Variants in PRDM2 observed in about 807,000 individuals in gnomAD.
The protein encoded by PRDM2 is PR domain zinc finger protein 2.
A neutral mutation model predicts 130.0 loss-of-function variants in PRDM2; 30 were observed. The ratio of observed to expected loss-of-function variants is 0.23; its 90% CI spans 0.17 to 0.31. The LOEUF (loss-of-function observed/expected upper bound fraction) is 0.31, where lower values mean the gene tolerates loss of function less well. Ranked by LOEUF, PRDM2 falls within the 10% of genes least tolerant of loss-of-function variation. PRDM2 has a pLI of 1.00. For missense variants in PRDM2, 2,011 were observed against 2,108.4 expected (o/e 0.95, Z 0.90); for synonymous variants, 871 against 782.4 (o/e 1.11, Z -1.89).
rs966616836 is a variant in PRDM2, at chr1:13,782,508, C to A, written c.4713C>A (p.Ser1571=). 1 of 1,614,142 alleles carries A rather than the reference C, an allele frequency of 6.2e-7. No individual in the cohort carries two copies. The highest frequency in any genetic ancestry group is 8.5e-7 in the Non-Finnish European group (1 of 1,180,032). ...ASVKSKKPSS[S]SLRNSSPIRM... is the part of the protein sequence containing the mutation. Reference sequence around the variant, plus strand: ...TGAAATCCAAAAAACCAAGCTCCTCCTCTTTAAGGAACTCCAGCCCGATAA... The same window carrying A: ...TGAAATCCAAAAAACCAAGCTCCTCATCTTTAAGGAACTCCAGCCCGATAA... Residue 1571 remains serine (S), a synonymous_variant, in exon 8 of 10, where the codon TCC becomes TCA. Transcript: ENST00000311066.
At chr1:13,710,903 A>G (rs1421340201) in intron 1 of PRDM2, among the ~76,000 whole-genome samples, 1 of 152,068 alleles carries the variant, frequency 6.6e-6, no homozygotes, top group Non-Finnish European at 1.5e-5. Flanking sequence ...TGGCTAACAC[A>G]GTGAAACTCC....
Position 13,782,515 on chromosome 1 carries a change from A to C in PRDM2, c.4720A>C (p.Arg1574=). ...CAAAAAACCAAGCTCCTCCTCTTTA[A>C]GGAACTCCAGCCCGATAAGAATGGC... ...KSKKPSSSSL[R]NSSPIRMAKI... Residue 1574 remains arginine (R), a synonymous_variant, in exon 8 of 10, where the codon AGG becomes CGG. Transcript: ENST00000311066. 4 of 1,614,136 alleles carry C rather than the reference A, an allele frequency of 2.5e-6. No individual in the cohort carries two copies. Among genetic ancestry groups the C allele is most frequent in the Non-Finnish European group, 3.4e-6 (4 of 1,180,026 alleles).
At chr1:13,758,974 C>CT (rs1644031415) in intron 6 of PRDM2, among the ~76,000 whole-genome samples, 1 of 151,996 alleles carries the variant, frequency 6.6e-6, no homozygotes, top group African/African-American at 2.4e-5. Flanking sequence ...TAAAATACTG[C>CT]TAATTTGATA....
At chr1:13,821,838 G>A (rs1045755995) in intron 9 of PRDM2, among the ~76,000 whole-genome samples, 4 of 152,146 alleles carry the variant, frequency 2.6e-5, no homozygotes, top group East Asian at 1.9e-4. Flanking sequence ...TGGTTTCTGC[G>A]GAGGAAGCAT....
intron 2 of PRDM2, among the ~76,000 whole-genome samples, chr1:13,723,612 C>T (rs1270688017): frequency 1.3e-5 from 2 of 152,166 alleles, no homozygotes; most frequent in East Asian, 1.9e-4. Context: ...TTTGGCTCTG[C>T]GATGACTTCT....
rs1367873229 is a variant in PRDM2 at position 13,782,700 on chromosome 1, C to T, written c.4905C>T (p.Asp1635=). 1.2e-6 allele frequency: 2 copies of T among 1,614,036 alleles called. No individual in the cohort carries two copies. The highest frequency in any genetic ancestry group is 1.7e-6 in the Non-Finnish European group (2 of 1,180,006). Residue 1635 remains aspartate, a synonymous_variant, in exon 8 of 10, where the codon GAC becomes GAT. Transcript: ENST00000311066. ...CCTTGGCGAGTAAGAAAAGAACAGACCGGTTCAATATAAAATCTAGAGAGC... is the reference window on the plus strand; with the variant it reads ...CCTTGGCGAGTAAGAAAAGAACAGATCGGTTCAATATAAAATCTAGAGAGC... ...KSTLASKKRT[D]RFNIKSRERS... is the part of the protein sequence containing the mutation.
intron 1 of PRDM2, among the ~76,000 whole-genome samples, chr1:13,701,378 T>C (rs1340024419): frequency 6.6e-6 from 1 of 152,242 alleles, no homozygotes; most frequent in Non-Finnish European, 1.5e-5. Flanking sequence ...CAAATGGAAC[T>C]CTTCAATGAT....
intron 6 of PRDM2, among the ~76,000 whole-genome samples, chr1:13,761,441 G>A (rs943738552): frequency 6.6e-6 from 1 of 152,142 alleles, no homozygotes; most frequent in Non-Finnish European, 1.5e-5. Context: ...CCAGTTTTCC[G>A]GGAAGAAATG....
chr1:13,772,092 T>C (rs1239790358), intron 6 of PRDM2: 2 of 152,302 alleles, frequency 1.3e-5, no homozygotes, highest in African/African-American at 2.4e-5. Context: ...CTTGTAGTTC[T>C]GGAAGCTGGT....
At chr1:13,797,426 T>C (rs1644939266) in intron 8 of PRDM2, among the ~76,000 whole-genome samples, 1 of 152,246 alleles carries the variant, frequency 6.6e-6, no homozygotes, top group African/African-American at 2.4e-5. Context: ...GATATTGTAG[T>C]TGAAATATAT....
intron 2 of PRDM2, among the ~76,000 whole-genome samples, chr1:13,725,274 G>C (rs939597285): frequency 1.3e-5 from 2 of 152,068 alleles, no homozygotes; most frequent in East Asian, 1.9e-4. Context: ...GCATAACCTC[G>C]GCTCACTGCA....
intron 2 of PRDM2, among the ~76,000 whole-genome samples, chr1:13,723,826 C>T (rs1485635018): frequency 6.6e-6 from 1 of 152,208 alleles, no homozygotes; most frequent in Non-Finnish European, 1.5e-5. Flanking sequence ...GATTGCCAGG[C>T]ATTTGTTTGC....
chr1:13,813,393 C>T (rs976768248), intron 8 of PRDM2, among the ~76,000 whole-genome samples: 2 of 152,288 alleles, frequency 1.3e-5, no homozygotes, highest in South Asian at 4.1e-4. Context: ...GACAGTGAAG[C>T]ACTTCTTGAT....
intron 7 of PRDM2, among the ~76,000 whole-genome samples, chr1:13,775,135 C>T (rs980075873): frequency 6.6e-6 from 1 of 152,348 alleles, no homozygotes; most frequent in African/African-American, 2.4e-5. Flanking sequence ...CCCAAACCTC[C>T]CTTTATGTTC....
chr1:13,781,277 C>T lies in PRDM2; in HGVS notation c.3482C>T (p.Pro1161Leu). ...KHLSIHAEEW[P>L]FKCEFCVQLF... The stretch of plus-strand genomic sequence containing the variant: ...TTATCTATTCATGCTGAAGAATGGC[C>T]CTTCAAATGTGAATTTTGTGTGCAG... Residue 1161 changes from proline (P) to leucine (L), a missense_variant, in exon 8 of 10, where the codon CCC becomes CTC. Physicochemically the swap from Pro to Leu is moderately conservative, Grantham distance 98 (BLOSUM62 -3). Transcript: ENST00000311066. The surrounding 1 kb of genome is among the most constrained non-coding windows in gnomAD (Gnocchi z 6.1). 1 of 1,614,192 alleles carries T rather than the reference C, an allele frequency of 6.2e-7. No homozygotes were observed. The highest frequency in any genetic ancestry group is 8.5e-7 in the Non-Finnish European group (1 of 1,180,030).
At position 13,723,752 on chromosome 1, in the gene PRDM2, C is replaced by T. The variant is rs188018466; in HGVS notation, c.10-7248C>T. Among the ~76,000 whole-genome samples, 261 of 152,304 alleles carry T rather than the reference C, an allele frequency of 1.7e-3. 1 individual carries two copies. Among genetic ancestry groups the T allele is most frequent in the South Asian group, 1.5e-3 (7 of 4,826 alleles). On this transcript the variant is annotated intron_variant, in intron 2 of 9. Transcript: ENST00000311066. ...GATTCTCATCCACTTCCATGGACTC[C>T]ATGGCCAGCTGGGGCTGTACTGCTC...
intron 2 of PRDM2, among the ~76,000 whole-genome samples, chr1:13,729,055 G>T (rs761936065): frequency 1.3e-5 from 2 of 152,144 alleles, no homozygotes; most frequent in Non-Finnish European, 2.9e-5. Context: ...TCAGATCCAG[G>T]CTTTGAGCCC....
At chr1:13,782,946 T>C (rs1303879735) in intron 8 of PRDM2, 115 bp downstream of exon 8, 3 of 1,560,956 alleles carry the variant, frequency 1.9e-6, no homozygotes, top group Non-Finnish European at 2.6e-6. Context: ...TTAAAGGAAA[T>C]AGCTGTTGTA....
chr1:13,786,365 A>G, intron 8 of PRDM2: 1 of 1,003,480 alleles, frequency 1.0e-6, no homozygotes, highest in South Asian at 1.6e-5. Context: ...TCTTCTGGGT[A>G]GGACGCTCGT....
Sources: allele counts gnomAD v4.1 joint callset (sites outside exome capture counted in the v4.1 genomes callset), GRCh38; gene constraint gnomAD v4.1.1; non-coding constraint Gnocchi (gnomAD v3.1); transcripts MANE v1.5; gene names NCBI Gene and HGNC (gene_info 2026-07-23, HGNC 2026-07-21).